Variants in LHFPL1 observed in about 807,000 individuals in gnomAD.
LHFPL1 encodes LHFPL tetraspan subfamily member 1 protein.
A neutral mutation model predicts 12.1 loss-of-function variants in LHFPL1; 4 were observed. That is an observed-to-expected ratio of 0.33 (90% CI 0.16 to 0.76). The LOEUF is 0.76. Among genes scored for constraint, LHFPL1 ranks in the 30% least tolerant of loss-of-function variants. LHFPL1 has a pLI of 0.61. For synonymous variants in LHFPL1, 52 were observed against 61.9 expected, an observed-to-expected ratio of 0.84 and a Z score of 0.75; for missense variants, 141 against 174.1, an observed-to-expected ratio of 0.81 and a Z score of 1.07.
chrX:112,674,721 C>G (rs985970988), intron 1 of LHFPL1, among the ~76,000 whole-genome samples: 4 of 112,035 alleles, frequency 3.6e-5, no homozygotes, highest in Admixed American at 1.9e-4. Context: ...AAATGCAAAT[C>G]AAAACCACAA....
intron 2 of LHFPL1, among the ~76,000 whole-genome samples, chrX:112,666,060 G>C (rs1370397792): frequency 8.9e-6 from 1 of 112,005 alleles, no homozygotes; most frequent in Non-Finnish European, 1.9e-5. Flanking sequence ...GCAACTGTTG[G>C]GTGGGCATTT....
At chrX:112,671,471 T>C in intron 1 of LHFPL1, 67 bp from the exon 2 acceptor site, 2 of 1,200,048 alleles carry the variant, frequency 1.7e-6, no homozygotes, top group Non-Finnish European at 2.2e-6. Flanking sequence ...TAGGCTCCAC[T>C]GGCCTATTTT....
chrX:112,666,849 T>C (rs1257560155), intron 2 of LHFPL1, among the ~76,000 whole-genome samples: 1 of 111,209 alleles, frequency 9.0e-6, no homozygotes, highest in Non-Finnish European at 1.9e-5. Context: ...TGGAAAACAC[T>C]GTGATAGCAT....
intron 3 of LHFPL1, among the ~76,000 whole-genome samples, chrX:112,644,541 G>C (rs1038797572): frequency 4.5e-5 from 5 of 110,595 alleles, no homozygotes; most frequent in African/African-American, 1.6e-4. Flanking sequence ...AGGTAGACGT[G>C]AAATTAGATC....
chrX:112,633,216 C>A (rs1229049140), intron 3 of LHFPL1, among the ~76,000 whole-genome samples: 1 of 112,078 alleles, frequency 8.9e-6, no homozygotes, highest in Non-Finnish European at 1.9e-5. Context: ...CTGTGGGTAC[C>A]ATTTCAGTAT....
intron 3 of LHFPL1, among the ~76,000 whole-genome samples, chrX:112,636,400 A>G (rs1930340622): frequency 8.9e-6 from 1 of 112,420 alleles, no homozygotes; most frequent in Non-Finnish European, 1.9e-5. Flanking sequence ...GATATTGTCT[A>G]CGTTGAGCAA....
intron 2 of LHFPL1, among the ~76,000 whole-genome samples, chrX:112,661,160 C>T (rs754295465): frequency 9.0e-6 from 1 of 110,894 alleles, no homozygotes; most frequent in East Asian, 2.8e-4. Context: ...TGTAATGATT[C>T]CTGTAACTTG....
At chrX:112,645,243 C>T (rs1930651994) in intron 3 of LHFPL1, among the ~76,000 whole-genome samples, 1 of 112,248 alleles carries the variant, frequency 8.9e-6, no homozygotes, top group Admixed American at 9.4e-5. Flanking sequence ...ATTACCAATC[C>T]TCATTAATGG....
intron 3 of LHFPL1, among the ~76,000 whole-genome samples, chrX:112,637,546 C>T (rs1438348597): frequency 8.9e-6 from 1 of 111,833 alleles, no homozygotes; most frequent in Non-Finnish European, 1.9e-5. Context: ...GTGCAGAATG[C>T]CAGCTTAGAA....
At chrX:112,669,473 C>A (rs1487166053) in intron 2 of LHFPL1, among the ~76,000 whole-genome samples, 1 of 111,997 alleles carries the variant, frequency 8.9e-6, no homozygotes, top group African/African-American at 3.2e-5. Context: ...AGTGGCTAAA[C>A]GGTGGGAAAA....
intron 3 of LHFPL1, among the ~76,000 whole-genome samples, chrX:112,645,257 C>T (rs1930652790): frequency 8.9e-6 from 1 of 112,530 alleles, no homozygotes; most frequent in South Asian, 3.8e-4. Flanking sequence ...TTAATGGAGG[C>T]TTGCACAACT....
intron 3 of LHFPL1, among the ~76,000 whole-genome samples, chrX:112,659,904 G>A (rs1463306628): frequency 8.9e-6 from 1 of 112,246 alleles, no homozygotes; most frequent in Non-Finnish European, 1.9e-5. Flanking sequence ...GAGAGAAAGG[G>A]AAGTATTGGA....
chrX:112,637,586 AAGG>A (rs1930380885), intron 3 of LHFPL1, among the ~76,000 whole-genome samples: 1 of 112,157 alleles, frequency 8.9e-6, no homozygotes, highest in Admixed American at 9.4e-5. Context: ...GAATCCAAAA[AAGG>A]AGTTCTCTTT....
intron 3 of LHFPL1, among the ~76,000 whole-genome samples, chrX:112,643,140 G>A (rs974560997): frequency 9.2e-6 from 1 of 108,111 alleles, no homozygotes; most frequent in Non-Finnish European, 1.9e-5. Flanking sequence ...CAGCACTTTG[G>A]GAGGCTGAGA....
chrX:112,653,979 C>T (rs1470248342), intron 3 of LHFPL1, among the ~76,000 whole-genome samples: 1 of 111,907 alleles, frequency 8.9e-6, no homozygotes, highest in Admixed American at 9.5e-5. Flanking sequence ...TGTTGACAAT[C>T]CACAAAACTG....
At chrX:112,662,475 A>G (rs1931218590) in intron 2 of LHFPL1, among the ~76,000 whole-genome samples, 2 of 112,130 alleles carry the variant, frequency 1.8e-5, no homozygotes, top group Admixed American at 9.4e-5. Flanking sequence ...TGGCTGCCCC[A>G]CGGCAACTAG....
chrX:112,663,898 A>G (rs952208720), intron 2 of LHFPL1, among the ~76,000 whole-genome samples: 1 of 112,004 alleles, frequency 8.9e-6, no homozygotes, highest in Non-Finnish European at 1.9e-5. Context: ...TACGCAAGTT[A>G]CTTAATTTCT....
At chrX:112,661,780 G>A (rs1408466936) in intron 2 of LHFPL1, 1 of 112,073 alleles carries the variant, frequency 8.9e-6, no homozygotes, top group Non-Finnish European at 1.9e-5. Flanking sequence ...AAAAATGGAG[G>A]GGAAAAAATC....
At chrX:112,641,392 T>TA (rs1260881582) in intron 3 of LHFPL1, among the ~76,000 whole-genome samples, 1 of 111,757 alleles carries the variant, frequency 8.9e-6, no homozygotes, top group Non-Finnish European at 1.9e-5. Flanking sequence ...GGTCCCCACT[T>TA]AGAGAAAATA....
Sources: gnomAD v4.1 joint callset for allele counts (sites outside exome capture counted in the v4.1 genomes callset) on GRCh38, gnomAD v4.1.1 for gene constraint, MANE v1.5 for transcripts, NCBI Gene and HGNC (gene_info 2026-07-23, HGNC 2026-07-21) for gene names.